Variants in ZNF573 observed in about 807,000 individuals in gnomAD.
ZNF573 encodes zinc finger protein 573.
In ZNF573, 41 loss-of-function variants were observed where a neutral mutation model predicts 57.4. The ratio of observed to expected loss-of-function variants is 0.71; its 90% CI spans 0.56 to 0.93. ZNF573 has a LOEUF of 0.93. Among genes scored for constraint, ZNF573 ranks in the 40% least tolerant of loss-of-function variants. The probability of loss-of-function intolerance (pLI) is 0.00; values close to 1 mark genes in which losing one functional copy is unlikely to be tolerated. For missense variants in ZNF573, 730 were observed against 794.8 expected, an observed-to-expected ratio of 0.92 and a Z score of 0.98; for synonymous variants, 249 against 261.0, an observed-to-expected ratio of 0.95 and a Z score of 0.44.
rs1273225576 is a variant in ZNF573, at chr19:37,739,238, C to G, written c.1252G>C (p.Glu418Gln). The G allele has an allele frequency of 6.2e-7, 1 of 1,613,832 alleles. No homozygotes were observed. Among genetic ancestry groups the G allele is most frequent in the East Asian group, 2.2e-5 (1 of 44,852 alleles). ...HTGEKPYECK[E>Q]CGKAFSLYGY... is the part of the protein sequence containing the mutation. ...TACAAGCTAAAGGCCTTTCCGCATT[C>G]CTTGCATTCATAGGGTTTCTCGCCA... is the stretch of plus-strand genomic sequence containing the variant. The change falls in exon 5 of 5, where the codon GAA becomes CAA. Residue 418 changes from glutamate to glutamine, a missense_variant. By Grantham distance (29) the Glu-to-Gln change is conservative (BLOSUM62 2). Coordinates refer to ENST00000536220, the MANE Select transcript of ZNF573 (RefSeq NM_001172690.2).
chr19:37,771,254 C>T (rs1054310244), intron 3 of ZNF573, among the ~76,000 whole-genome samples: 2 of 151,426 alleles, frequency 1.3e-5, no homozygotes, highest in African/African-American at 4.8e-5. Context: ...GATTCCTGGG[C>T]AATGGTTATT....
chr19:37,762,664 A>C (rs2045563440), intron 4 of ZNF573, among the ~76,000 whole-genome samples: 1 of 152,058 alleles, frequency 6.6e-6, no homozygotes, highest in East Asian at 1.9e-4. Context: ...CACCATATTT[A>C]GGGTTTCTTT....
chr19:37,768,399 C>G (rs956216698), intron 4 of ZNF573, among the ~76,000 whole-genome samples: 1 of 152,174 alleles, frequency 6.6e-6, no homozygotes, highest in African/African-American at 2.4e-5. Flanking sequence ...ATAGCTCTCT[C>G]TATTACCCTC....
At chr19:37,770,178 A>G (rs2045642037) in intron 3 of ZNF573, 81 bp from the exon 4 acceptor site, 6 of 1,097,672 alleles carry the variant, frequency 5.5e-6, no homozygotes, top group Admixed American at 2.7e-5. Flanking sequence ...TAAATTTACA[A>G]TGAACTAAGG....
At chr19:37,752,173 A>T (rs1329532723) in intron 4 of ZNF573, among the ~76,000 whole-genome samples, 1 of 152,152 alleles carries the variant, frequency 6.6e-6, no homozygotes, top group Non-Finnish European at 1.5e-5. Context: ...CTTTAGCAAT[A>T]GTGCTAGCAC....
Position 37,739,496 on chromosome 19 carries a change from A to C in ZNF573, c.994T>G (p.Cys332Gly). 2 of 1,613,428 alleles carry C rather than the reference A, an allele frequency of 1.2e-6. No homozygotes were observed. Among genetic ancestry groups the C allele is most frequent in the Non-Finnish European group, 1.7e-6 (2 of 1,179,852 alleles). ...RVHTGKKPYE[C>G]KECGKGYTTA... The stretch of plus-strand genomic sequence containing the variant: ...GTATAGCCCTTCCCACATTCTTTAC[A>C]CTCATATGGCTTTTTACCAGTGTGA... Residue 332 changes from cysteine (C) to glycine (G), a missense_variant, in exon 5 of 5, where the codon TGT becomes GGT. Cys to Gly is a radical substitution (Grantham distance 159). Transcript: ENST00000536220.
chr19:37,776,468 T>G (rs2045710157), intron 1 of ZNF573, among the ~76,000 whole-genome samples: 1 of 152,204 alleles, frequency 6.6e-6, no homozygotes, highest in African/African-American at 2.4e-5. Flanking sequence ...TCTCTCACCT[T>G]AGAGAAAAAT....
At chr19:37,756,295 C>T (rs576847425) in intron 4 of ZNF573, among the ~76,000 whole-genome samples, 7 of 152,322 alleles carry the variant, frequency 4.6e-5, no homozygotes, top group African/African-American at 1.7e-4. Flanking sequence ...CCATCTCCTT[C>T]TTCCCCCAAA....
intron 4 of ZNF573, among the ~76,000 whole-genome samples, chr19:37,746,085 T>C (rs1282337872): frequency 1.3e-5 from 2 of 152,232 alleles, no homozygotes; most frequent in African/African-American, 4.8e-5. Flanking sequence ...AAAAATTTTA[T>C]GCTAGAAATC....
intron 4 of ZNF573, among the ~76,000 whole-genome samples, chr19:37,767,046 G>A (rs1431868241): frequency 6.6e-6 from 1 of 152,130 alleles, no homozygotes; most frequent in East Asian, 1.9e-4. Flanking sequence ...TAGGGAGGGT[G>A]TACATACAAG....
chr19:37,760,824 G>GA (rs778236206), intron 4 of ZNF573, among the ~76,000 whole-genome samples: 218 of 133,892 alleles, frequency 1.6e-3, no homozygotes, highest in East Asian at 3.9e-3. Flanking sequence ...TCTGTCTGAA[G>GA]AAAAAAAAAA....
intron 4 of ZNF573, among the ~76,000 whole-genome samples, chr19:37,765,705 C>T (rs2045595892): frequency 6.6e-6 from 1 of 151,634 alleles, no homozygotes; most frequent in African/African-American, 2.4e-5. Flanking sequence ...AGCAAAACTC[C>T]GTCTCAAAAA....
intron 1 of ZNF573, among the ~76,000 whole-genome samples, chr19:37,775,842 CAAA>C (rs11390183): frequency 1.6e-5 from 2 of 125,216 alleles, no homozygotes; most frequent in Non-Finnish European, 1.7e-5. Flanking sequence ...ACAACAGCTG[CAAA>C]AAAAAAAAAA....
intron 2 of ZNF573, among the ~76,000 whole-genome samples, chr19:37,772,759 G>A (rs376031495): frequency 6.6e-5 from 10 of 151,516 alleles, no homozygotes; most frequent in Admixed American, 2.0e-4. Flanking sequence ...ATAGCCTCCC[G>A]AGTAACTGGG....
At chr19:37,743,443 C>T (rs112909234) in intron 4 of ZNF573, among the ~76,000 whole-genome samples, 19 of 152,004 alleles carry the variant, frequency 1.2e-4, no homozygotes, top group African/African-American at 4.6e-4. Context: ...AATGAGATAC[C>T]ATCTCACACC....
intron 4 of ZNF573, among the ~76,000 whole-genome samples, chr19:37,753,645 A>AT (rs1381960595): frequency 2.0e-5 from 3 of 152,202 alleles, no homozygotes; most frequent in African/African-American, 7.2e-5. Context: ...TGAATTATAT[A>AT]TTAAAAAGCC....
intron 3 of ZNF573, chr19:37,770,304 C>A: frequency 4.6e-6 from 2 of 432,196 alleles, no homozygotes; most frequent in Non-Finnish European, 8.1e-6. Context: ...AACCTGTGAC[C>A]TTATAAAATG....
chr19:37,766,233 T>C (rs1327274902), intron 4 of ZNF573, among the ~76,000 whole-genome samples: 1 of 151,046 alleles, frequency 6.6e-6, no homozygotes, highest in Non-Finnish European at 1.5e-5. Flanking sequence ...GCATTGAGCA[T>C]AAATGACTGC....
intron 2 of ZNF573, chr19:37,772,947 C>T: frequency 1.0e-6 from 1 of 985,306 alleles, no homozygotes; most frequent in Non-Finnish European, 1.2e-6. Context: ...CCTTCATATA[C>T]TTTGTTGGAC....
Sources: allele counts gnomAD v4.1 joint callset (sites outside exome capture counted in the v4.1 genomes callset), GRCh38; gene constraint gnomAD v4.1.1; transcripts MANE v1.5; gene names NCBI Gene and HGNC (gene_info 2026-07-23, HGNC 2026-07-21).